FRMD4B: variants seen among roughly 807,000 people sequenced by gnomAD.
FRMD4B encodes the protein FERM domain containing 4B.
A neutral mutation model predicts 141.5 loss-of-function variants in FRMD4B; 74 were observed. That is an observed-to-expected ratio of 0.52 (90% CI 0.43 to 0.63). FRMD4B has a LOEUF of 0.63. Ranked by LOEUF, FRMD4B falls within the 30% of genes least tolerant of loss-of-function variation. FRMD4B has a pLI of 0.00. For synonymous variants in FRMD4B, 506 were observed against 467.9 expected (o/e 1.08, Z -1.05); for missense variants, 1,366 against 1,253.4 (o/e 1.09, Z -1.36).
At chr3:69,372,402 T>C (rs1026695582) in intron 1 of FRMD4B, among the ~76,000 whole-genome samples, 1 of 152,188 alleles carries the variant, frequency 6.6e-6, no homozygotes, top group Non-Finnish European at 1.5e-5. Flanking sequence ...TGATGGCTCA[T>C]GCCTGTAATC....
chr3:69,222,001 G>A, intron 8 of FRMD4B, 78 bp from the exon 9 acceptor site: 3 of 788,926 alleles, frequency 3.8e-6, no homozygotes, highest in Admixed American at 4.1e-5. Context: ...TTATCAGGTG[G>A]CTGTCAGGAA....
intron 1 of FRMD4B, among the ~76,000 whole-genome samples, chr3:69,359,683 T>C (rs1288442813): frequency 6.6e-6 from 1 of 152,040 alleles, no homozygotes; most frequent in Non-Finnish European, 1.5e-5. Context: ...TGAAAAGAGG[T>C]AGGGAGAGAA....
chr3:69,484,326 A>G (rs567230326), intron 1 of FRMD4B, among the ~76,000 whole-genome samples: 11 of 152,276 alleles, frequency 7.2e-5, no homozygotes, highest in Middle Eastern at 3.4e-3. Flanking sequence ...ACAAGACACA[A>G]TGCATTCTAG....
At chr3:69,466,531 A>C (rs1705789596) in intron 1 of FRMD4B, among the ~76,000 whole-genome samples, 1 of 152,196 alleles carries the variant, frequency 6.6e-6, no homozygotes, top group Non-Finnish European at 1.5e-5. Context: ...TCAAAATAAT[A>C]AGGAGGGGAG....
At chr3:69,512,232 A>G (rs1450096692) in intron 1 of FRMD4B, among the ~76,000 whole-genome samples, 1 of 152,200 alleles carries the variant, frequency 6.6e-6, no homozygotes, top group Non-Finnish European at 1.5e-5. Context: ...GAAAAACCCT[A>G]CATACATAGA....
chr3:69,466,633 C>G (rs549670633), intron 1 of FRMD4B, among the ~76,000 whole-genome samples: 1 of 152,236 alleles, frequency 6.6e-6, no homozygotes, highest in Non-Finnish European at 1.5e-5. Context: ...TACATTTTGC[C>G]TTTGTTTATG....
chr3:69,236,996 G>C (rs148087769), intron 7 of FRMD4B, among the ~76,000 whole-genome samples: 1 of 152,188 alleles, frequency 6.6e-6, no homozygotes, highest in Non-Finnish European at 1.5e-5. Flanking sequence ...ACTTAAAAGA[G>C]AGCAGCTCCA....
intron 5 of FRMD4B, among the ~76,000 whole-genome samples, chr3:69,268,755 C>T (rs1243917641): frequency 1.3e-5 from 2 of 151,806 alleles, no homozygotes; most frequent in Non-Finnish European, 2.9e-5. Context: ...GGCTGTTTTG[C>T]ATGAATAAAT....
intron 2 of FRMD4B, among the ~76,000 whole-genome samples, chr3:69,312,888 GAA>G (rs11303786): frequency 7.3e-5 from 11 of 150,660 alleles, no homozygotes; most frequent in South Asian, 2.1e-4. Flanking sequence ...GACTCCGTCT[GAA>G]AAAAAAAAAT....
chr3:69,511,754 T>C (rs1706692431), intron 1 of FRMD4B, among the ~76,000 whole-genome samples: 1 of 152,194 alleles, frequency 6.6e-6, no homozygotes, highest in Non-Finnish European at 1.5e-5. Flanking sequence ...CCTTCTCCTT[T>C]CTCAAGGATC....
At chr3:69,485,093 C>A (rs760084832) in intron 1 of FRMD4B, among the ~76,000 whole-genome samples, 1 of 152,200 alleles carries the variant, frequency 6.6e-6, no homozygotes, top group East Asian at 1.9e-4. Context: ...CCTCAACCCC[C>A]CTCAACTTCC....
chr3:69,419,682 G>A (rs1034896987), intron 2 of FRMD4B, among the ~76,000 whole-genome samples: 2 of 152,218 alleles, frequency 1.3e-5, no homozygotes, highest in Admixed American at 6.5e-5. Context: ...ATAGGATGCA[G>A]TATGGTAGAA....
chr3:69,242,382 C>T (rs1469090934), intron 7 of FRMD4B, among the ~76,000 whole-genome samples: 1 of 150,616 alleles, frequency 6.6e-6, no homozygotes, highest in African/African-American at 2.4e-5. Context: ...GGTGTAATAA[C>T]TAAGGGGCAA....
intron 2 of FRMD4B, among the ~76,000 whole-genome samples, chr3:69,419,879 T>C (rs796886288): frequency 3.9e-5 from 6 of 152,356 alleles, no homozygotes; most frequent in East Asian, 1.9e-4. Flanking sequence ...TTGTTTGAGA[T>C]GGAGTTTTGC....
At chr3:69,314,643 T>G (rs1701745374) in intron 1 of FRMD4B, among the ~76,000 whole-genome samples, 1 of 152,016 alleles carries the variant, frequency 6.6e-6, no homozygotes, top group African/African-American at 2.4e-5. Flanking sequence ...GAGACCAGCC[T>G]GGTCAACATG....
intron 1 of FRMD4B, among the ~76,000 whole-genome samples, chr3:69,504,574 G>A (rs1706564056): frequency 6.6e-6 from 1 of 152,144 alleles, no homozygotes; most frequent in Non-Finnish European, 1.5e-5. Flanking sequence ...AAAATATGTG[G>A]TCTTTTGTGT....
At chr3:69,418,850 CACACACATATATAATTACA>C (rs1704922084) in intron 2 of FRMD4B, among the ~76,000 whole-genome samples, 1 of 149,084 alleles carries the variant, frequency 6.7e-6, no homozygotes, top group South Asian at 2.2e-4. Context: ...GTGTATAACA[CACACACATATATAATTACA>C]TATATACATA....
intron 1 of FRMD4B, chr3:69,536,365 C>T: frequency 1.4e-6 from 1 of 691,520 alleles, no homozygotes; most frequent in Non-Finnish European, 2.6e-6. Context: ...GTTGAGGGGC[C>T]TGGCGAGGAG....
In FRMD4B at chr3:69,171,381, T is replaced by TTAC. The variant is rs2092584771; in HGVS notation, c.*477_*479dup. 6.5e-6 allele frequency: 1 copy of TTAC among 154,714 alleles called. No homozygotes were observed. The highest frequency in any genetic ancestry group is 2.4e-5 in the African/African-American group (1 of 41,478). The allele number at this position is 154,714 out of a possible 1,614,324, so 9.6% of individuals were successfully genotyped here. On this transcript the variant is annotated 3_prime_UTR_variant, in exon 23 of 23. Coordinates refer to ENST00000398540, the MANE Select transcript of FRMD4B (RefSeq NM_015123.3). The stretch of plus-strand genomic sequence containing the variant: ...TCCATGTCTGTGTAGAAAGAGCATG[T>TTAC]TACTCTTTGTCAGCTCACGAATTCA...
Sources: allele counts gnomAD v4.1 joint callset (sites outside exome capture counted in the v4.1 genomes callset), GRCh38; gene constraint gnomAD v4.1.1; transcripts MANE v1.5; gene names NCBI Gene and HGNC (gene_info 2026-07-23, HGNC 2026-07-21).